PHF24: variants seen among roughly 807,000 people sequenced by gnomAD.
PHF24 encodes the protein Galpha inhibitory interacting protein.
In PHF24, 25 loss-of-function variants were observed where a neutral mutation model predicts 42.6. The ratio of observed to expected loss-of-function variants is 0.59; its 90% CI spans 0.43 to 0.82. The LOEUF (loss-of-function observed/expected upper bound fraction) is 0.82, where lower values mean the gene tolerates loss of function less well. Ranked by LOEUF, PHF24 falls within the 40% of genes least tolerant of loss-of-function variation. The pLI, the probability that PHF24 is intolerant of heterozygous loss-of-function variation, is 0.00. For missense variants in PHF24, 470 were observed against 538.1 expected, an observed-to-expected ratio of 0.87 and a Z score of 1.25; for synonymous variants, 185 against 204.8, an observed-to-expected ratio of 0.90 and a Z score of 0.83.
At chr9:34,692,859 T>C in the PHF24 span, among the ~76,000 whole-genome samples, 5 of 147,170 alleles carry the variant, frequency 3.4e-5, no homozygotes, top group African/African-American at 1.2e-4. Flanking sequence ...CGATCTTGGC[T>C]CAGAGCAACC....
At chr9:34,707,587 G>A in the PHF24 span, among the ~76,000 whole-genome samples, 8 of 152,182 alleles carry the variant, frequency 5.3e-5, no homozygotes, top group Non-Finnish European at 1.5e-5. Flanking sequence ...GCTGCAAGAG[G>A]AGCAGACAAG....
At chr9:34,838,479 A>G in the PHF24 span, 6 of 1,336,732 alleles carry the variant, frequency 4.5e-6, no homozygotes, top group Admixed American at 7.9e-5. Flanking sequence ...ACAGAACAAA[A>G]GTAGGGCTCA....
chr9:34,697,753 G>C, the PHF24 span, among the ~76,000 whole-genome samples: 1 of 152,164 alleles, frequency 6.6e-6, no homozygotes, highest in Non-Finnish European at 1.5e-5. Flanking sequence ...CCTCCGAAGG[G>C]CCCAGAAAGA....
At chr9:34,861,633 A>G in the PHF24 span, among the ~76,000 whole-genome samples, 1 of 152,236 alleles carries the variant, frequency 6.6e-6, no homozygotes, top group African/African-American at 2.4e-5. Flanking sequence ...AATAATGTAT[A>G]TAACCCATTA....
upstream of PHF24, among the ~76,000 whole-genome samples, chr9:34,956,730 TA>T (rs1420676338): frequency 6.6e-6 from 1 of 152,374 alleles, no homozygotes; most frequent in Non-Finnish European, 1.5e-5. Context: ...TAAAGAAAGT[TA>T]GGGGGGGACC....
the PHF24 span, chr9:34,723,539 G>T: frequency 6.4e-7 from 1 of 1,551,678 alleles, no homozygotes; most frequent in African/African-American, 1.4e-5. Context: ...TGAGAACATG[G>T]AGTCCTCATG....
At chr9:34,801,148 A>G in the PHF24 span, among the ~76,000 whole-genome samples, 5 of 152,362 alleles carry the variant, frequency 3.3e-5, no homozygotes, top group African/African-American at 1.2e-4. Flanking sequence ...CGATCATTAA[A>G]AAGTCAGGAA....
the PHF24 span, among the ~76,000 whole-genome samples, chr9:34,793,130 C>A: frequency 6.6e-6 from 1 of 151,864 alleles, no homozygotes; most frequent in African/African-American, 2.4e-5. Context: ...CTTATGAGAT[C>A]ATGGGTATAC....
the PHF24 span, among the ~76,000 whole-genome samples, chr9:34,869,792 A>AT: frequency 6.6e-6 from 1 of 152,126 alleles, no homozygotes; most frequent in Non-Finnish European, 1.5e-5. Flanking sequence ...TTTAGTTTAT[A>AT]TAGCCAGATG....
chr9:34,887,697 G>A, the PHF24 span, among the ~76,000 whole-genome samples: 11,020 of 152,156 alleles, frequency 0.072, 614 homozygotes, highest in African/African-American at 0.15. Flanking sequence ...CCCTTTTGAA[G>A]TCTTCTCTAA....
the PHF24 span, chr9:34,838,634 G>A: frequency 5.8e-5 from 32 of 550,840 alleles, no homozygotes; most frequent in South Asian, 7.6e-4. Context: ...GCATCACAAA[G>A]CCCTCCTGTT....
chr9:34,885,096 C>T, the PHF24 span, among the ~76,000 whole-genome samples: 1 of 152,200 alleles, frequency 6.6e-6, no homozygotes, highest in South Asian at 2.1e-4. Context: ...CTGCCCAACT[C>T]CCACTAGGCA....
the PHF24 span, among the ~76,000 whole-genome samples, chr9:34,840,657 G>A: frequency 2.6e-5 from 4 of 151,928 alleles, no homozygotes; most frequent in South Asian, 8.3e-4. Flanking sequence ...AGCCTCCCAA[G>A]TCCCACCTGA....
chr9:34,886,163 C>T, the PHF24 span, among the ~76,000 whole-genome samples: 1 of 151,810 alleles, frequency 6.6e-6, no homozygotes, highest in Non-Finnish European at 1.5e-5. Context: ...CAGCGTTCTT[C>T]CAGAAATTCT....
At chr9:34,977,401 A>G (rs1408342286) in intron 6 of PHF24, 145 bp from the exon 7 acceptor site, 10 of 1,198,228 alleles carry the variant, frequency 8.3e-6, no homozygotes, top group Non-Finnish European at 3.6e-6. Context: ...GCCAGGGCAT[A>G]GGACAGCCTC....
the PHF24 span, chr9:34,727,989 G>T: frequency 7.4e-5 from 114 of 1,545,784 alleles, no homozygotes; most frequent in Non-Finnish European, 9.8e-5. Flanking sequence ...GGCCAGGCTG[G>T]TTGTTGATAG....
the PHF24 span, among the ~76,000 whole-genome samples, chr9:34,743,202 T>TA: frequency 6.6e-6 from 1 of 152,338 alleles, no homozygotes; most frequent in African/African-American, 2.4e-5. Flanking sequence ...TTTTCCTTTA[T>TA]AAAAAATCAT....
At chr9:34,720,790 T>C in the PHF24 span, among the ~76,000 whole-genome samples, 1 of 152,224 alleles carries the variant, frequency 6.6e-6, no homozygotes, top group Admixed American at 6.5e-5. Flanking sequence ...TGAGCTCTCC[T>C]GCTGGTACAG....
upstream of PHF24, among the ~76,000 whole-genome samples, chr9:34,957,914 G>A (rs957123183): frequency 2.6e-5 from 4 of 151,762 alleles, no homozygotes; most frequent in South Asian, 6.2e-4. Flanking sequence ...TCCTCCGGGC[G>A]GGCACTGTCC....
Sources: gnomAD v4.1 joint callset for allele counts (sites outside exome capture counted in the v4.1 genomes callset) on GRCh38, gnomAD v4.1.1 for gene constraint, MANE v1.5 for transcripts, NCBI Gene and HGNC (gene_info 2026-07-23, HGNC 2026-07-21) for gene names.